The following ANKRD29 variants were observed in gnomAD, a reference collection of about 807,000 sequenced individuals.
ANKRD29 encodes ankyrin repeat domain-containing protein 29.
Under a neutral mutation model 38.0 loss-of-function variants are expected in ANKRD29, and 32 were observed. The ratio of observed to expected loss-of-function variants is 0.84; its 90% CI spans 0.64 to 1.13. The LOEUF (loss-of-function observed/expected upper bound fraction) is 1.13, where lower values mean the gene tolerates loss of function less well. Among genes scored for constraint, ANKRD29 ranks in the 50% most tolerant of loss-of-function variants. The pLI, the probability that ANKRD29 is intolerant of heterozygous loss-of-function variation, is 0.00. For missense variants in ANKRD29, 357 were observed against 377.9 expected (o/e 0.94, Z 0.46); for synonymous variants, 135 against 152.4 (o/e 0.89, Z 0.84).
At chr18:23,624,620 T>C (rs530469109) in intron 6 of ANKRD29, among the ~76,000 whole-genome samples, 2 of 151,834 alleles carry the variant, frequency 1.3e-5, no homozygotes, top group Non-Finnish European at 2.9e-5. Context: ...GACCAAGTGA[T>C]AGAAAGAAGA....
intron 2 of ANKRD29, chr18:23,648,284 T>C (rs1459881397): frequency 2.0e-5 from 3 of 152,204 alleles, no homozygotes; most frequent in Non-Finnish European, 4.4e-5. Context: ...ACCAAAGATA[T>C]CCTACTGTGA....
At chr18:23,624,759 A>T (rs1011800647) in intron 6 of ANKRD29, among the ~76,000 whole-genome samples, 3 of 152,172 alleles carry the variant, frequency 2.0e-5, no homozygotes, top group Non-Finnish European at 4.4e-5. Flanking sequence ...ACAGTAGCTG[A>T]TTATCATAGA....
At position 23,634,047 on chromosome 18, in the gene ANKRD29, T is replaced by G; in HGVS notation, c.429+4A>C. The G allele has an allele frequency of 6.2e-7, 1 of 1,614,104 alleles. No individual in the cohort carries two copies. Among genetic ancestry groups the G allele is most frequent in the East Asian group, 2.2e-5 (1 of 44,888 alleles). The stretch of plus-strand genomic sequence containing the variant: ...GTCCTAATGTCCCCCTGAAATGCAC[T>G]CACATAAAGTTGGTCATGGATGTTT... On this transcript the variant is annotated splice_donor_region_variant and intron_variant, in intron 5 of 9. Coordinates refer to ENST00000592179, the MANE Select transcript of ANKRD29 (RefSeq NM_173505.4).
At chr18:23,612,375 G>A (rs972149986) in intron 8 of ANKRD29, among the ~76,000 whole-genome samples, 185 bp from the exon 9 acceptor site, 1 of 152,144 alleles carries the variant, frequency 6.6e-6, no homozygotes, top group Non-Finnish European at 1.5e-5. Context: ...CATAACCAAT[G>A]GTCAGTACAA....
At chr18:23,643,416 G>T (rs931353750) in intron 3 of ANKRD29, among the ~76,000 whole-genome samples, 2 of 152,192 alleles carry the variant, frequency 1.3e-5, no homozygotes, top group Non-Finnish European at 2.9e-5. Flanking sequence ...CTTCTCAATA[G>T]ATATTAAATT....
intron 9 of ANKRD29, among the ~76,000 whole-genome samples, chr18:23,605,571 G>T (rs2059565239): frequency 1.3e-5 from 2 of 152,056 alleles, no homozygotes; most frequent in Admixed American, 1.3e-4. Flanking sequence ...CCGTCACCCA[G>T]GCTGGAGTGC....
chr18:23,662,656 G>T, intron 1 of ANKRD29, 54 bp downstream of exon 1: 1 of 565,978 alleles, frequency 1.8e-6, no homozygotes, highest in Non-Finnish European at 2.6e-6. Flanking sequence ...GACCCCGCGG[G>T]CCCGGCCGCC....
intron 2 of ANKRD29, chr18:23,648,623 T>C (rs1031088020): frequency 3.0e-6 from 1 of 330,382 alleles, no homozygotes; most frequent in Non-Finnish European, 5.4e-6. Context: ...TGCCAATTAG[T>C]GTATTTATGT....
At chr18:23,636,829 C>T (rs2060009291) in intron 4 of ANKRD29, among the ~76,000 whole-genome samples, 1 of 152,212 alleles carries the variant, frequency 6.6e-6, no homozygotes, top group South Asian at 2.1e-4. Flanking sequence ...CTGCCTCAGC[C>T]TCCCAAAGTG....
chr18:23,616,193 A>G (rs1427908683), intron 8 of ANKRD29, among the ~76,000 whole-genome samples: 1 of 149,598 alleles, frequency 6.7e-6, no homozygotes, highest in Non-Finnish European at 1.5e-5. Flanking sequence ...TGTATATAAT[A>G]CATCCATACT....
chr18:23,634,101 C>T lies in ANKRD29; in HGVS notation c.379G>A (p.Val127Met), dbSNP rs1204906985. 3.7e-6 allele frequency: 6 copies of T among 1,614,212 alleles called. No homozygotes were observed. Among genetic ancestry groups the T allele is most frequent in the East Asian group, 2.2e-5 (1 of 44,880 alleles). ...CCGTGCTTCAGCAAGGTCTCCACCACCTGCATGTGCCCGTACTGACTGGCA... is the reference window on the plus strand; with the variant it reads ...CCGTGCTTCAGCAAGGTCTCCACCATCTGCATGTGCCCGTACTGACTGGCA... ...LAASQYGHMQ[V>M]VETLLKHGAN... The change falls in exon 5 of 10, where the codon GTG (valine) becomes ATG (methionine). Residue 127 changes from valine (V) to methionine (M), a missense_variant. Val to Met is a conservative substitution (Grantham distance 21). Transcript: ENST00000592179.
chr18:23,606,934 T>G (rs1788804), intron 9 of ANKRD29, among the ~76,000 whole-genome samples: 87,244 of 152,012 alleles, frequency 0.57, 28,357 homozygotes, highest in East Asian at 0.87. Context: ...GTATCGGGGA[T>G]GGAGGCTTGG....
At chr18:23,651,180 T>C (rs538486847) in intron 1 of ANKRD29, among the ~76,000 whole-genome samples, 1 of 152,284 alleles carries the variant, frequency 6.6e-6, no homozygotes, top group South Asian at 2.1e-4. Flanking sequence ...CATACCTGAA[T>C]GAGAGAATGG....
In ANKRD29 at chr18:23,599,717, A is replaced by AGGCCTG. The variant is rs2059490996; in HGVS notation, c.*1508_*1509insCAGGCC. 1 of 152,308 alleles carries AGGCCTG rather than the reference A, an allele frequency of 6.6e-6. No homozygotes were observed. The highest frequency in any genetic ancestry group is 2.1e-4 in the South Asian group (1 of 4,820). 9.4% of individuals were successfully genotyped at this position (152,308 alleles called of 1,614,324 possible). ...TAGAATCAGGTTGCAGGCTTTTTGT[A>AGGCCTG]TAGCTGGTCAGGCTGTAGGCACCTG... On this transcript the variant is annotated 3_prime_UTR_variant, in exon 10 of 10. Coordinates refer to ENST00000592179, the MANE Select transcript of ANKRD29 (RefSeq NM_173505.4).
Position 23,612,135 on chromosome 18 carries a change from G to A in ANKRD29, c.779C>T (p.Ala260Val), listed in dbSNP as rs756004268. Reference protein sequence around the residue: ...AVLSGNIKTVALLLEAGADPS... With the variant: ...AVLSGNIKTVVLLLEAGADPS... ...GTCTGCCCCTGCTTCTAGGAGCAGC[G>A]CAACTGTTTTAATGTTTCCACTGAG... The change falls in exon 9 of 10, where the codon GCG becomes GTG. Residue 260 changes from alanine to valine, a missense_variant. Coordinates refer to ENST00000592179, the MANE Select transcript of ANKRD29 (RefSeq NM_173505.4). 45 of 1,613,792 alleles carry A rather than the reference G, an allele frequency of 2.8e-5. No homozygotes were observed. The highest frequency in any genetic ancestry group is 4.4e-5 in the South Asian group (4 of 91,050).
chr18:23,619,431 G>A (rs944430714), intron 7 of ANKRD29, 100 bp downstream of exon 7: 1 of 1,163,174 alleles, frequency 8.6e-7, no homozygotes. Context: ...AGGAGGTTGG[G>A]AGGAAACCCA....
intron 6 of ANKRD29, among the ~76,000 whole-genome samples, chr18:23,628,303 T>C (rs2059886720): frequency 6.6e-6 from 1 of 152,224 alleles, no homozygotes; most frequent in African/African-American, 2.4e-5. Context: ...CCAAAGGCTC[T>C]TTATTTTTCT....
intron 3 of ANKRD29, among the ~76,000 whole-genome samples, chr18:23,642,811 A>G (rs2060094523): frequency 6.6e-6 from 1 of 152,202 alleles, no homozygotes; most frequent in Non-Finnish European, 1.5e-5. Flanking sequence ...ACTTACAGTC[A>G]CCTCTTCCTT....
Position 23,601,219 on chromosome 18 carries a change from A to C in ANKRD29, c.*7T>G, listed in dbSNP as rs1349383993. 2 of 1,612,044 alleles carry C rather than the reference A, an allele frequency of 1.2e-6. No individual in the cohort carries two copies. Among genetic ancestry groups the C allele is most frequent in the Non-Finnish European group, 1.7e-6 (2 of 1,178,272 alleles). On this transcript the variant is annotated 3_prime_UTR_variant, in exon 10 of 10. Transcript: ENST00000592179. ...CTTTCTATCTTTCTGTCAAATATGG[A>C]GCTAAGTTAGCTCTTTCTGGGACCT...
Sources: allele counts gnomAD v4.1 joint callset (sites outside exome capture counted in the v4.1 genomes callset), GRCh38; gene constraint gnomAD v4.1.1; transcripts MANE v1.5; gene names NCBI Gene and HGNC (gene_info 2026-07-23, HGNC 2026-07-21).